Variants in NHSL3 observed in about 807,000 individuals in gnomAD.
NHSL3 encodes NHS-like protein 3.
chr1:32,745,655 G>A, the NHSL3 span, among the ~76,000 whole-genome samples: 3 of 151,816 alleles, frequency 2.0e-5, no homozygotes, highest in Non-Finnish European at 4.4e-5. Context: ...CCAAGCCTCA[G>A]TATCCTTATC....
At chr1:32,754,323 G>A in the NHSL3 span, 2 of 573,800 alleles carry the variant, frequency 3.5e-6, no homozygotes, top group South Asian at 2.1e-5. Flanking sequence ...CCCCTCACAG[G>A]CACACGGAGA....
At chr1:32,768,636 C>T in the NHSL3 span, 1 of 1,613,982 alleles carries the variant, frequency 6.2e-7, no homozygotes, top group Non-Finnish European at 8.5e-7. Flanking sequence ...ACCCAGATCT[C>T]CTTCTACCCT....
At chr1:32,753,600 G>A in the NHSL3 span, among the ~76,000 whole-genome samples, 6 of 152,314 alleles carry the variant, frequency 3.9e-5, no homozygotes, top group East Asian at 9.7e-4. Flanking sequence ...TAAGTAAAAG[G>A]GTGCTACTAT....
At chr1:32,765,626 C>A in the NHSL3 span, 3 of 1,523,842 alleles carry the variant, frequency 2.0e-6, no homozygotes, top group Non-Finnish European at 2.6e-6. Context: ...AGCCCCTCCC[C>A]CTCCTCTGTC....
chr1:32,759,199 C>T, the NHSL3 span, among the ~76,000 whole-genome samples: 3 of 152,072 alleles, frequency 2.0e-5, no homozygotes, highest in African/African-American at 7.2e-5. Flanking sequence ...GGTTCCCAGG[C>T]ACTCTGTGAT....
the NHSL3 span, among the ~76,000 whole-genome samples, chr1:32,764,663 G>A: frequency 2.6e-5 from 4 of 152,062 alleles, no homozygotes; most frequent in Admixed American, 2.6e-4. Flanking sequence ...GTAGAGACAG[G>A]GTTTCACCAT....
the NHSL3 span, among the ~76,000 whole-genome samples, chr1:32,766,765 C>A: frequency 6.6e-6 from 1 of 152,272 alleles, no homozygotes; most frequent in East Asian, 1.9e-4. Flanking sequence ...TTGTGGGTTT[C>A]ATTTAAAGGG....
At chr1:32,742,487 C>T in the NHSL3 span, among the ~76,000 whole-genome samples, 10 of 152,234 alleles carry the variant, frequency 6.6e-5, no homozygotes, top group Non-Finnish European at 1.3e-4. Flanking sequence ...ATTCCCCCTC[C>T]CCCAGGCTCA....
At chr1:32,742,267 C>G in the NHSL3 span, 1 of 1,211,758 alleles carries the variant, frequency 8.3e-7, no homozygotes, top group Non-Finnish European at 1.0e-6. Context: ...GGGGTCCGCG[C>G]GCGGCGTGTT....
chr1:32,751,747 G>A, the NHSL3 span, among the ~76,000 whole-genome samples: 2 of 152,144 alleles, frequency 1.3e-5, no homozygotes, highest in African/African-American at 2.4e-5. Context: ...GGGATGGCAG[G>A]TGTGAACGCC....
the NHSL3 span, chr1:32,770,249 A>G: frequency 1.2e-6 from 2 of 1,603,714 alleles, no homozygotes; most frequent in Non-Finnish European, 1.7e-6. The surrounding 1 kb of genome is among the most constrained non-coding windows in gnomAD (Gnocchi z 8.3). Context: ...TTGATTCCAC[A>G]TGCTGTGCTG....
the NHSL3 span, chr1:32,771,367 C>T: frequency 6.4e-7 from 1 of 1,574,276 alleles, no homozygotes; most frequent in Non-Finnish European, 8.7e-7. Context: ...CCAGTCACCC[C>T]CACCTTCCCC....
the NHSL3 span, among the ~76,000 whole-genome samples, chr1:32,772,606 TGTGA>T: frequency 4.6e-5 from 7 of 150,944 alleles, no homozygotes; most frequent in African/African-American, 9.8e-5. Context: ...GAGAATGGTG[TGTGA>T]GTGTCAGGCC....
At chr1:32,749,662 C>T in the NHSL3 span, among the ~76,000 whole-genome samples, 3 of 152,148 alleles carry the variant, frequency 2.0e-5, no homozygotes, top group African/African-American at 7.2e-5. Flanking sequence ...AGAGGTGCCT[C>T]TGCTAGGGGT....
chr1:32,768,083 G>A, the NHSL3 span: 1 of 1,614,090 alleles, frequency 6.2e-7, no homozygotes, highest in Non-Finnish European at 8.5e-7. Context: ...CTGAACAAGG[G>A]TGGCTGGGAC....
the NHSL3 span, among the ~76,000 whole-genome samples, chr1:32,759,454 A>C: frequency 2.6e-5 from 4 of 152,338 alleles, no homozygotes; most frequent in African/African-American, 9.6e-5. Context: ...GGGAGCAAAT[A>C]CTGGCCCAGA....
the NHSL3 span, chr1:32,742,106 CG>C: frequency 8.0e-7 from 1 of 1,249,798 alleles, no homozygotes; most frequent in South Asian, 3.2e-5. Context: ...AAGAAGGCGG[CG>C]GGGGCCGAGG....
At chr1:32,747,916 C>T in the NHSL3 span, among the ~76,000 whole-genome samples, 1 of 152,134 alleles carries the variant, frequency 6.6e-6, no homozygotes, top group Non-Finnish European at 1.5e-5. Context: ...TGAGACTAGC[C>T]TGGCCAACAT....
At chr1:32,765,529 C>T in the NHSL3 span, 1 of 1,162,692 alleles carries the variant, frequency 8.6e-7, no homozygotes, top group Non-Finnish European at 1.2e-6. Flanking sequence ...CCTCAGTTGC[C>T]TTTCTGTGCC....
Sources: allele counts gnomAD v4.1 joint callset (sites outside exome capture counted in the v4.1 genomes callset), GRCh38; gene constraint gnomAD v4.1.1; non-coding constraint Gnocchi (gnomAD v3.1); transcripts MANE v1.5; gene names NCBI Gene and HGNC (gene_info 2026-07-23, HGNC 2026-07-21).